ADAM12: variants seen among roughly 807,000 people sequenced by gnomAD.
ADAM12 encodes the protein disintegrin and metalloproteinase domain-containing protein 12.
A neutral mutation model predicts 106.4 loss-of-function variants in ADAM12; 70 were observed. The ratio of observed to expected loss-of-function variants is 0.66; its 90% CI spans 0.54 to 0.80. The LOEUF (loss-of-function observed/expected upper bound fraction) is 0.80, where lower values mean the gene tolerates loss of function less well. Ranked by LOEUF, ADAM12 falls within the 30% of genes least tolerant of loss-of-function variation. The pLI is 0.00. For missense variants in ADAM12, 1,010 were observed against 1,171.9 expected, an observed-to-expected ratio of 0.86 and a Z score of 2.02; for synonymous variants, 420 against 433.5, an observed-to-expected ratio of 0.97 and a Z score of 0.39.
At chr10:126,037,837 C>T (rs964983465) in intron 20 of ADAM12, among the ~76,000 whole-genome samples, 1 of 152,184 alleles carries the variant, frequency 6.6e-6, no homozygotes, top group African/African-American at 2.4e-5. Flanking sequence ...TAACAGTGGG[C>T]TAAAGCAGCT....
rs1044817963 is a variant in ADAM12, at chr10:126,294,906, GTGTGTGTGTA to G, written c.187-15928_187-15919del. On this transcript the variant is annotated intron_variant, in intron 2 of 22. Transcript: ENST00000448723. ...AACAAAATTGTGTGTAGATGTGTGT[GTGTGTGTGTA>G]TGTGTGTGTGTGCCTGTGTGTATTC... Among the ~76,000 whole-genome samples, 101 of 150,866 alleles carry G rather than the reference GTGTGTGTGTA, an allele frequency of 6.7e-4. 2 individuals are homozygous for G. In the South Asian group the frequency reaches 0.021, roughly 32 times the overall value.
At position 126,098,402 on chromosome 10, in the gene ADAM12, T is replaced by G; in HGVS notation, c.996+14A>C. 1 of 1,610,428 alleles carries G rather than the reference T, an allele frequency of 6.2e-7. No homozygotes were observed. Among genetic ancestry groups the G allele is most frequent in the South Asian group, 1.1e-5 (1 of 90,898 alleles). On this transcript the variant is annotated intron_variant, in intron 10 of 22. Transcript: ENST00000448723. ...ATTATCAAGGGGAACCAGCTCCCAA[T>G]GCCCTTGGCTTACCATGACAATTCC...
At chr10:126,134,705 C>T (rs1223764384) in intron 5 of ADAM12, among the ~76,000 whole-genome samples, 3 of 152,326 alleles carry the variant, frequency 2.0e-5, no homozygotes, top group South Asian at 2.1e-4. Context: ...TGCATATTCT[C>T]ATCCTCCATG....
chr10:126,255,670 G>A (rs1379610673), intron 3 of ADAM12, among the ~76,000 whole-genome samples: 5 of 152,182 alleles, frequency 3.3e-5, no homozygotes, highest in Non-Finnish European at 5.9e-5. Context: ...CCCTCCTGAT[G>A]GGGACTTCGT....
At chr10:126,166,961 G>A (rs143511113) in intron 3 of ADAM12, among the ~76,000 whole-genome samples, 39 of 152,266 alleles carry the variant, frequency 2.6e-4, no homozygotes, top group Admixed American at 5.2e-4. Flanking sequence ...AGAATGAATC[G>A]CAAGGGTAGA....
At chr10:126,193,264 C>CAAAAAAAAAAAA (rs757716875) in intron 3 of ADAM12, among the ~76,000 whole-genome samples, 3 of 26,632 alleles carry the variant, frequency 1.1e-4, no homozygotes, top group South Asian at 2.3e-3. Context: ...GACTCCATCT[C>CAAAAAAAAAAAA]AAAAAAAAAA....
At chr10:126,282,158 C>T (rs1018030384) in intron 2 of ADAM12, among the ~76,000 whole-genome samples, 1 of 152,138 alleles carries the variant, frequency 6.6e-6, no homozygotes, top group Non-Finnish European at 1.5e-5. Flanking sequence ...GAGACAGTTG[C>T]CTTCTTACTG....
Position 126,361,884 on chromosome 10 carries a change from T to C in ADAM12, c.88+26174A>G, listed in dbSNP as rs183356991. Among the ~76,000 whole-genome samples the C allele has an allele frequency of 1.7e-4, 26 of 152,282 alleles. No homozygotes were observed. In the East Asian group the frequency reaches 2.5e-3, roughly 15 times the overall value. ...TGATGTTGGTCTATAGGCAATTTTT[T>C]TTTAGATTTGTCCCAAAAGCTCAGG... On this transcript the variant is annotated intron_variant, in intron 1 of 22. Transcript: ENST00000448723.
chr10:126,380,424 G>A (rs536081525), intron 1 of ADAM12, among the ~76,000 whole-genome samples: 7 of 152,306 alleles, frequency 4.6e-5, no homozygotes, highest in East Asian at 3.9e-4. Flanking sequence ...AGTCTCCAGC[G>A]TGAGGTAGAC....
intron 10 of ADAM12, among the ~76,000 whole-genome samples, chr10:126,096,679 T>C (rs539336248): frequency 3.9e-5 from 6 of 152,254 alleles, no homozygotes; most frequent in Non-Finnish European, 8.8e-5. Flanking sequence ...GTTTTTGGTC[T>C]GGTCAAGATG....
chr10:126,157,403 C>T lies in ADAM12; in HGVS notation c.261-2098G>A, dbSNP rs576933094. ...CAGTATGGCAGGGAAGGAAAAGCAG[C>T]GGGAATATGCAAATGTCAGAGATGA... On this transcript the variant is annotated intron_variant, in intron 3 of 22. Coordinates refer to ENST00000448723, the MANE Select transcript of ADAM12 (RefSeq NM_001288973.2). Among the ~76,000 whole-genome samples the T allele has an allele frequency of 5.9e-5, 9 of 152,248 alleles. No homozygotes were observed. The East Asian group carries it at 1.4e-3, about 23-fold the overall frequency.
intron 11 of ADAM12, among the ~76,000 whole-genome samples, chr10:126,075,040 C>T (rs1955072424): frequency 6.6e-6 from 1 of 152,192 alleles, no homozygotes; most frequent in South Asian, 2.1e-4. Context: ...CCAGCAAGGT[C>T]AATGGGGAGT....
chr10:126,216,480 T>C (rs186981591), intron 3 of ADAM12, among the ~76,000 whole-genome samples: 9 of 152,330 alleles, frequency 5.9e-5, no homozygotes, highest in Admixed American at 5.9e-4. Context: ...CCAAGATGTA[T>C]TCCATCAGAG....
rs761076232 is a variant in ADAM12, at chr10:126,049,356, T to A, written c.1814A>T (p.Gln605Leu). 6.2e-7 allele frequency: 1 copy of A among 1,614,216 alleles called. No individual in the cohort carries two copies. Among genetic ancestry groups the A allele is most frequent in the Non-Finnish European group, 8.5e-7 (1 of 1,180,036 alleles). Residue 605 changes from glutamine to leucine, a missense_variant, in exon 16 of 23, where the codon CAG (glutamine) becomes CTG (leucine). Physicochemically the swap from Gln to Leu is moderately radical, Grantham distance 113 (BLOSUM62 -2). This residue lies in a region of ADAM12 where 615 missense variants were observed against 708.5 expected (regional missense o/e 0.87). Transcript: ENST00000448723. The surrounding 1 kb of genome is among the most constrained non-coding windows in gnomAD (Gnocchi z 4.4). ...AVSIETNIPLQQGGRILCRGT... is the reference protein window; with the variant it reads ...AVSIETNIPLLQGGRILCRGT... ...CCGGCACAGAATCCGGCCTCCTTGC[T>A]GCAGGGGGATGTTTGTTTCTATGGA...
intron 18 of ADAM12, among the ~76,000 whole-genome samples, chr10:126,039,841 T>A (rs1336964909): frequency 6.6e-6 from 1 of 152,224 alleles, no homozygotes; most frequent in Non-Finnish European, 1.5e-5. Flanking sequence ...CATTCCAAAG[T>A]GCTTTTCTTT....
At chr10:126,370,264 T>C (rs1856063977) in intron 1 of ADAM12, among the ~76,000 whole-genome samples, 3 of 152,204 alleles carry the variant, frequency 2.0e-5, no homozygotes, top group South Asian at 4.1e-4. Flanking sequence ...ACAGGTGTGA[T>C]AGTAAGCCAC....
chr10:126,256,955 T>G lies in ADAM12; in HGVS notation c.260+21960A>C, dbSNP rs544899469. Reference sequence around the variant, plus strand: ...ATGATGATGATGATGGAGGGACTTCTGTGGTTTTGCAGCTTTTCATATTTT... The same window carrying G: ...ATGATGATGATGATGGAGGGACTTCGGTGGTTTTGCAGCTTTTCATATTTT... On this transcript the variant is annotated intron_variant, in intron 3 of 22. Coordinates refer to ENST00000448723, the MANE Select transcript of ADAM12 (RefSeq NM_001288973.2). 2.0e-5 allele frequency among the ~76,000 whole-genome samples: 3 copies of G among 152,338 alleles called. No individual in the cohort carries two copies. In the East Asian group the frequency reaches 5.8e-4, roughly 29 times the overall value.
intron 21 of ADAM12, among the ~76,000 whole-genome samples, chr10:126,030,815 T>C (rs1426891203): frequency 6.6e-6 from 1 of 152,172 alleles, no homozygotes; most frequent in Admixed American, 6.5e-5. Context: ...AAGACCTTGG[T>C]AGCTGTGTTT....
intron 3 of ADAM12, among the ~76,000 whole-genome samples, chr10:126,258,979 G>GT (rs1958947418): frequency 6.6e-6 from 1 of 152,194 alleles, no homozygotes; most frequent in South Asian, 2.1e-4. Context: ...TCCCCAGTGT[G>GT]TTGTTCAATG....
Sources: allele counts gnomAD v4.1 joint callset (sites outside exome capture counted in the v4.1 genomes callset), GRCh38; gene constraint gnomAD v4.1.1; regional missense constraint gnomAD v4.1.1; non-coding constraint Gnocchi (gnomAD v3.1); transcripts MANE v1.5; gene names NCBI Gene and HGNC (gene_info 2026-07-23, HGNC 2026-07-21).